NUP93: variants seen among roughly 807,000 people sequenced by gnomAD.
The protein encoded by NUP93 is nucleoporin 93.
In NUP93, 55 loss-of-function variants were observed where a neutral mutation model predicts 107.8. That is an observed-to-expected ratio of 0.51 (90% confidence interval 0.41 to 0.64). The LOEUF (loss-of-function observed/expected upper bound fraction) is 0.64, where lower values mean the gene tolerates loss of function less well. Ranked by LOEUF, NUP93 falls within the 30% of genes least tolerant of loss-of-function variation. The pLI is 0.00. For synonymous variants in NUP93, 390 were observed against 397.5 expected (o/e 0.98, Z 0.22); for missense variants, 937 against 1,044.7 (o/e 0.90, Z 1.42).
intron 2 of NUP93, among the ~76,000 whole-genome samples, chr16:56,757,416 C>T (rs1160862574): frequency 1.3e-5 from 2 of 152,050 alleles, no homozygotes; most frequent in African/African-American, 4.8e-5. Context: ...AGTTTGAGAC[C>T]AGCCTGGGCA....
chr16:56,819,253 T>C (rs1240753071), intron 6 of NUP93, among the ~76,000 whole-genome samples: 1 of 152,220 alleles, frequency 6.6e-6, no homozygotes, highest in East Asian at 1.9e-4. Flanking sequence ...ATAGTATGGA[T>C]ATGGACTGAG....
At chr16:56,794,285 T>G (rs1442841867) in intron 3 of NUP93, among the ~76,000 whole-genome samples, 17 of 152,182 alleles carry the variant, frequency 1.1e-4, no homozygotes, top group African/African-American at 3.9e-4. Flanking sequence ...CAGTTTGTGC[T>G]TAGAGCCCAG....
At chr16:56,756,719 C>T (rs1326510177) in intron 2 of NUP93, among the ~76,000 whole-genome samples, 5 of 152,208 alleles carry the variant, frequency 3.3e-5, no homozygotes, top group African/African-American at 1.2e-4. Context: ...AATTGCTACA[C>T]TGTCTTCCAC....
chr16:56,731,908 C>A (rs1181631788), intron 1 of NUP93, among the ~76,000 whole-genome samples: 2 of 151,782 alleles, frequency 1.3e-5, no homozygotes, highest in East Asian at 3.9e-4. Flanking sequence ...AAAAAAAAAA[C>A]CCTCCAATGG....
At chr16:56,785,088 A>G (rs908033314) in intron 3 of NUP93, among the ~76,000 whole-genome samples, 2 of 152,194 alleles carry the variant, frequency 1.3e-5, no homozygotes, top group Admixed American at 1.3e-4. Flanking sequence ...GTAGAATGCA[A>G]AGGGATTCTT....
chr16:56,815,164 G>A (rs1220631081), intron 5 of NUP93, among the ~76,000 whole-genome samples: 1 of 152,152 alleles, frequency 6.6e-6, no homozygotes, highest in Non-Finnish European at 1.5e-5. Context: ...TCTCAAGGCT[G>A]CTCATGTATA....
chr16:56,823,851 G>C lies in NUP93; in HGVS notation c.794+5G>C, dbSNP rs1418818581. ...CTTGGCGTACCTTGAGCAGAGGTAA[G>C]GCAGCAGTAGCACAGTGGGGCTGGC... On this transcript the variant is annotated splice_donor_5th_base_variant and intron_variant, in intron 8 of 21. Coordinates refer to ENST00000308159, the MANE Select transcript of NUP93 (RefSeq NM_014669.5). 2 of 1,613,298 alleles carry C rather than the reference G, an allele frequency of 1.2e-6. No homozygotes were observed. The highest frequency in any genetic ancestry group is 1.7e-6 in the Non-Finnish European group (2 of 1,179,836).
At chr16:56,805,717 C>T in intron 5 of NUP93, 85 bp downstream of exon 5, 1 of 1,412,034 alleles carries the variant, frequency 7.1e-7, no homozygotes, top group Non-Finnish European at 9.8e-7. Context: ...ATTTTTGGCA[C>T]AGTGGATCAC....
intron 1 of NUP93, chr16:56,740,754 G>A (rs545958234): frequency 3.2e-3 from 500 of 157,262 alleles, no homozygotes; most frequent in South Asian, 0.013. Flanking sequence ...CTGAGTGAAC[G>A]AGACTCCGTC....
chr16:56,819,217 T>C (rs1307637687), intron 6 of NUP93, among the ~76,000 whole-genome samples: 1 of 152,242 alleles, frequency 6.6e-6, no homozygotes, highest in Non-Finnish European at 1.5e-5. Flanking sequence ...GGGGTCATCC[T>C]TCTGGTTGTA....
chr16:56,817,886 C>T (rs541269664), intron 5 of NUP93, among the ~76,000 whole-genome samples: 2 of 152,290 alleles, frequency 1.3e-5, no homozygotes, highest in Admixed American at 1.3e-4. Context: ...TAGGCTAAAC[C>T]GTCTAGTGTG....
Position 56,845,454 on chromosome 16 carries a change from C to T in NUP93, c.*845C>T, listed in dbSNP as rs1262489841. The T allele has an allele frequency of 6.6e-6, 1 of 152,250 alleles. No individual in the cohort carries two copies. Among genetic ancestry groups the T allele is most frequent in the East Asian group, 1.9e-4 (1 of 5,208 alleles). 9.4% of individuals were successfully genotyped at this position (152,250 alleles called of 1,614,324 possible). A position where few individuals can be genotyped will look rare whatever the true frequency, so the allele number is the denominator to read the frequency against. ...TCATTAAGGTAATTGGCCAGGCAGG[C>T]TCATGGGTCACGTGCTGAGTCTGCA... On this transcript the variant is annotated 3_prime_UTR_variant, in exon 22 of 22. Coordinates refer to ENST00000308159, the MANE Select transcript of NUP93 (RefSeq NM_014669.5).
intron 1 of NUP93, among the ~76,000 whole-genome samples, chr16:56,743,680 A>G (rs549786382): frequency 7.2e-5 from 11 of 152,196 alleles, no homozygotes; most frequent in Non-Finnish European, 1.3e-4. Context: ...TGAGCATACT[A>G]TCAACCAACG....
In NUP93 at chr16:56,748,272, C is replaced by G. The variant is rs2144457022; in HGVS notation, c.25C>G (p.Leu9Val). The G allele has an allele frequency of 3.1e-6, 5 of 1,612,338 alleles. No individual in the cohort carries two copies. Among genetic ancestry groups the G allele is most frequent in the Non-Finnish European group, 4.2e-6 (5 of 1,178,872 alleles). ...AATGGATACTGAGGGGTTTGGTGAG[C>G]TCCTTCAGCAAGCTGAACAGCTTGC... MDTEGFGE[L>V]LQQAEQLAAE... is the part of the protein sequence containing the mutation. The change falls in exon 2 of 22, where the codon CTC becomes GTC. Residue 9 changes from leucine (L) to valine (V), a missense_variant. By Grantham distance (32) the Leu-to-Val change is conservative. Coordinates refer to ENST00000308159, the MANE Select transcript of NUP93 (RefSeq NM_014669.5).
chr16:56,832,245 G>C, intron 11 of NUP93, 50 bp from the exon 12 acceptor site: 1 of 1,465,056 alleles, frequency 6.8e-7, no homozygotes, highest in East Asian at 2.3e-5. Flanking sequence ...CTGTGCATGT[G>C]GCTCAGGGTG....
At position 56,737,884 on chromosome 16, in the gene NUP93, C is replaced by T. The variant is rs1567371086; in HGVS notation, c.-15+7673C>T. ...TTGTGACAACCAAAAATGTCTCTAG[C>T]TATTGCTGAATGTCCCCTGTGGGGC... On this transcript the variant is annotated intron_variant, in intron 1 of 21. Coordinates refer to ENST00000308159, the MANE Select transcript of NUP93 (RefSeq NM_014669.5). Among the ~76,000 whole-genome samples, 2 of 152,240 alleles carry T rather than the reference C, an allele frequency of 1.3e-5. 1 individual carries two copies.
chr16:56,772,532 C>T (rs140355242), intron 3 of NUP93, among the ~76,000 whole-genome samples: 151 of 152,304 alleles, frequency 9.9e-4, no homozygotes, highest in Non-Finnish European at 1.9e-3. Flanking sequence ...TTTCCTCTGA[C>T]CATTTCTTAC....
intron 20 of NUP93, among the ~76,000 whole-genome samples, chr16:56,841,102 C>G (rs1478486967): frequency 6.6e-6 from 1 of 152,170 alleles, no homozygotes; most frequent in African/African-American, 2.4e-5. Flanking sequence ...GAAGGTCTTG[C>G]CCCTTGCTGA....
At chr16:56,814,121 A>T (rs59583330) in intron 5 of NUP93, among the ~76,000 whole-genome samples, 200 of 152,288 alleles carry the variant, frequency 1.3e-3, no homozygotes, top group African/African-American at 4.6e-3. Flanking sequence ...CTGCAGTATC[A>T]TCATATTTTC....
Sources: gnomAD v4.1 joint callset for allele counts (sites outside exome capture counted in the v4.1 genomes callset) on GRCh38, gnomAD v4.1.1 for gene constraint, MANE v1.5 for transcripts, NCBI Gene and HGNC (gene_info 2026-07-23, HGNC 2026-07-21) for gene names.